SCFD2: variants seen among roughly 807,000 people sequenced by gnomAD.
SCFD2 encodes the protein sec1 family domain-containing protein 2.
Under a neutral mutation model 58.9 loss-of-function variants are expected in SCFD2, and 54 were observed. That is an observed-to-expected ratio of 0.92 (90% CI 0.74 to 1.15). The LOEUF (loss-of-function observed/expected upper bound fraction) is 1.15, where lower values mean the gene tolerates loss of function less well. Among genes scored for constraint, SCFD2 ranks in the 50% most tolerant of loss-of-function variants. The probability of loss-of-function intolerance (pLI) is 0.00; values close to 1 mark genes in which losing one functional copy is unlikely to be tolerated. For synonymous variants in SCFD2, 321 were observed against 335.9 expected (o/e 0.96, Z 0.49); for missense variants, 805 against 836.6 (o/e 0.96, Z 0.47).
chr4:53,063,302 G>A (rs1723567163), intron 5 of SCFD2, among the ~76,000 whole-genome samples: 1 of 151,972 alleles, frequency 6.6e-6, no homozygotes, highest in South Asian at 2.1e-4. Context: ...TATATTAGAA[G>A]TTTTAATTTT....
At chr4:53,063,944 A>C (rs979152290) in intron 5 of SCFD2, among the ~76,000 whole-genome samples, 1 of 151,916 alleles carries the variant, frequency 6.6e-6, no homozygotes, top group Non-Finnish European at 1.5e-5. Flanking sequence ...ATTTGTAGCT[A>C]ATTTTGAGGC....
intron 4 of SCFD2, among the ~76,000 whole-genome samples, chr4:53,150,228 A>G (rs1726464878): frequency 6.6e-6 from 1 of 152,174 alleles, no homozygotes; most frequent in Admixed American, 6.5e-5. Context: ...AGTAAGGGGA[A>G]GGGAGGGCAA....
intron 6 of SCFD2, among the ~76,000 whole-genome samples, chr4:52,918,011 A>G (rs1179379260): frequency 6.6e-6 from 1 of 152,178 alleles, no homozygotes; most frequent in East Asian, 1.9e-4. Context: ...CCTAGATCCT[A>G]ATATGCAGCA....
At chr4:53,250,460 A>G (rs1032232366) in intron 4 of SCFD2, among the ~76,000 whole-genome samples, 23 of 152,212 alleles carry the variant, frequency 1.5e-4, no homozygotes, top group Non-Finnish European at 3.1e-4. Context: ...CCTAATAGAC[A>G]TCTACAGAAC....
chr4:53,014,454 A>G (rs1178539565), intron 5 of SCFD2, among the ~76,000 whole-genome samples: 4 of 152,230 alleles, frequency 2.6e-5, no homozygotes, highest in African/African-American at 2.4e-5. Flanking sequence ...TTATTTGTAC[A>G]GTTATTCTTC....
chr4:53,191,142 G>A (rs745479759), intron 4 of SCFD2, among the ~76,000 whole-genome samples: 2 of 151,954 alleles, frequency 1.3e-5, no homozygotes, highest in Non-Finnish European at 2.9e-5. Flanking sequence ...GAGGTCAGGA[G>A]TTCAAGACGA....
chr4:53,096,764 G>A (rs1265029809), intron 5 of SCFD2, among the ~76,000 whole-genome samples: 1 of 152,138 alleles, frequency 6.6e-6, no homozygotes, highest in African/African-American at 2.4e-5. Context: ...ATTGCTTTTG[G>A]TGTTTTAGTC....
chr4:52,911,016 G>C (rs1338079306), intron 6 of SCFD2, among the ~76,000 whole-genome samples: 4 of 151,762 alleles, frequency 2.6e-5, no homozygotes, highest in Admixed American at 1.3e-4. Context: ...TTTATTAGCA[G>C]CATGAGAACG....
chr4:53,176,400 G>A (rs1239286284), intron 4 of SCFD2, among the ~76,000 whole-genome samples: 1 of 152,108 alleles, frequency 6.6e-6, no homozygotes, highest in African/African-American at 2.4e-5. Flanking sequence ...GAGCTCTTTG[G>A]GAGTGAACTG....
chr4:53,262,856 CTTAGA>C (rs1387440446), intron 4 of SCFD2, among the ~76,000 whole-genome samples: 11 of 152,286 alleles, frequency 7.2e-5, no homozygotes, highest in African/African-American at 2.6e-4. Context: ...TTTCCAAACT[CTTAGA>C]TTTCTCTTCC....
chr4:52,996,301 A>G (rs1407939187), intron 5 of SCFD2, among the ~76,000 whole-genome samples: 3 of 146,630 alleles, frequency 2.0e-5, no homozygotes, highest in African/African-American at 8.2e-5. Flanking sequence ...TGGCGACTGT[A>G]ATGTGCAGAC....
At chr4:53,330,890 G>C (rs1253903748) in intron 2 of SCFD2, among the ~76,000 whole-genome samples, 5 of 151,842 alleles carry the variant, frequency 3.3e-5, no homozygotes, top group Non-Finnish European at 5.9e-5. Context: ...AAAATAAAAG[G>C]ATGGAGGAAG....
intron 5 of SCFD2, among the ~76,000 whole-genome samples, chr4:53,024,284 C>A (rs560174004): frequency 6.6e-6 from 1 of 152,164 alleles, no homozygotes; most frequent in Non-Finnish European, 1.5e-5. Flanking sequence ...TCAATCTTTT[C>A]TTATTTAACT....
At chr4:53,035,657 T>G (rs1249712027) in intron 5 of SCFD2, among the ~76,000 whole-genome samples, 1 of 152,124 alleles carries the variant, frequency 6.6e-6, no homozygotes, top group East Asian at 1.9e-4. Context: ...CATCAAAAAG[T>G]GGGCGAAGGA....
intron 5 of SCFD2, among the ~76,000 whole-genome samples, chr4:53,089,019 T>C (rs1724395577): frequency 6.6e-6 from 1 of 152,122 alleles, no homozygotes; most frequent in African/African-American, 2.4e-5. Flanking sequence ...TCTTCTATCA[T>C]GTGAGAACTT....
At position 52,989,752 on chromosome 4, in the gene SCFD2, T is replaced by G. The variant is rs149399369; in HGVS notation, c.1562-68882A>C. ...CCCAATCTGCCTGATGCATTTTGTT[T>G]TCTCAAAATTCTGCCTTTTCTGTTG... is the stretch of plus-strand genomic sequence containing the variant. On this transcript the variant is annotated intron_variant, in intron 5 of 8. Coordinates refer to ENST00000401642, the MANE Select transcript of SCFD2 (RefSeq NM_152540.4). 7.0e-3 allele frequency among the ~76,000 whole-genome samples: 1,065 copies of G among 152,340 alleles called. 20 individuals carry two copies. The highest frequency in any genetic ancestry group is 0.047 in the South Asian group (225 of 4,832).
Position 53,352,767 on chromosome 4 carries a change from C to T in SCFD2, c.839-1G>A. ...TTGTCTCCATGATGTCCAACTGCTC[C>T]TGTTTAAGCAGACAAGATGATGTAA... On this transcript the variant is annotated splice_acceptor_variant, in intron 1 of 8. Coordinates refer to ENST00000401642, the MANE Select transcript of SCFD2 (RefSeq NM_152540.4). LOFTEE classifies it high-confidence loss of function. 6.2e-7 allele frequency: 1 copy of T among 1,611,108 alleles called. No homozygotes were observed. Among genetic ancestry groups the T allele is most frequent in the South Asian group, 1.1e-5 (1 of 90,690 alleles).
intron 6 of SCFD2, among the ~76,000 whole-genome samples, chr4:52,913,020 C>T (rs532281194): frequency 6.6e-6 from 1 of 152,292 alleles, no homozygotes; most frequent in African/African-American, 2.4e-5. Context: ...ACACTCTCTG[C>T]CAGTTCACCT....
chr4:53,352,155 G>C (rs1375628730), intron 2 of SCFD2, among the ~76,000 whole-genome samples: 2 of 152,052 alleles, frequency 1.3e-5, no homozygotes, highest in South Asian at 4.1e-4. Flanking sequence ...AATATACTTA[G>C]AAATAAAAAC....
Sources: allele counts gnomAD v4.1 joint callset (sites outside exome capture counted in the v4.1 genomes callset), GRCh38; gene constraint gnomAD v4.1.1; transcripts MANE v1.5; gene names NCBI Gene and HGNC (gene_info 2026-07-23, HGNC 2026-07-21).